The following CADPS2 variants were observed in gnomAD, a reference collection of about 807,000 sequenced individuals.
The protein encoded by CADPS2 is calcium dependent secretion activator 2.
A neutral mutation model predicts 172.5 loss-of-function variants in CADPS2; 93 were observed. The observed-to-expected ratio is 0.54, with a 90% CI of 0.46 to 0.64. The LOEUF (loss-of-function observed/expected upper bound fraction) is 0.64. Ranked by LOEUF, CADPS2 falls within the 30% of genes least tolerant of loss-of-function variation. The pLI, the probability that CADPS2 is intolerant of heterozygous loss-of-function variation, is 0.00. For missense variants in CADPS2, 1,420 were observed against 1,565.9 expected (o/e 0.91, Z 1.57); for synonymous variants, 546 against 555.2 (o/e 0.98, Z 0.23).
chr7:122,581,084 T>A, intron 7 of CADPS2, 95 bp downstream of exon 7: 1 of 816,906 alleles, frequency 1.2e-6, no homozygotes, highest in Non-Finnish European at 2.0e-6. Context: ...TTTATGAACA[T>A]AAAGTTCACA....
At chr7:122,720,804 T>C (rs1333736484) in intron 2 of CADPS2, among the ~76,000 whole-genome samples, 1 of 152,026 alleles carries the variant, frequency 6.6e-6, no homozygotes, top group Non-Finnish European at 1.5e-5. Context: ...CGATGAGAGT[T>C]AACAAGTAGA....
At chr7:122,657,648 C>A (rs898621308) in intron 3 of CADPS2, among the ~76,000 whole-genome samples, 1 of 152,098 alleles carries the variant, frequency 6.6e-6, no homozygotes, top group South Asian at 2.1e-4. Flanking sequence ...GTGATTTTTG[C>A]ACATTGATTT....
chr7:122,488,850 A>G (rs1330547694), intron 11 of CADPS2, among the ~76,000 whole-genome samples: 2 of 152,192 alleles, frequency 1.3e-5, no homozygotes, highest in Non-Finnish European at 2.9e-5. Context: ...AATTGTAGAA[A>G]AATAAAGTTA....
intron 3 of CADPS2, among the ~76,000 whole-genome samples, chr7:122,653,960 A>G (rs2079459084): frequency 6.6e-6 from 1 of 152,210 alleles, no homozygotes; most frequent in South Asian, 2.1e-4. Context: ...TAACCCAATA[A>G]TGGCTTGTAA....
intron 7 of CADPS2, among the ~76,000 whole-genome samples, chr7:122,555,760 G>GGATA (rs1405990375): frequency 6.6e-6 from 1 of 151,890 alleles, no homozygotes; most frequent in Non-Finnish European, 1.5e-5. Context: ...AAGTTGTTAG[G>GGATA]GATAGTCTTT....
At chr7:122,844,947 T>C (rs1584871540) in intron 1 of CADPS2, among the ~76,000 whole-genome samples, 1 of 152,212 alleles carries the variant, frequency 6.6e-6, no homozygotes, top group East Asian at 1.9e-4. Flanking sequence ...CTTTTTTGCA[T>C]TTTTCCCCCT....
chr7:122,487,433 A>T (rs2057931709), intron 11 of CADPS2, among the ~76,000 whole-genome samples: 1 of 152,178 alleles, frequency 6.6e-6, no homozygotes, highest in African/African-American at 2.4e-5. Flanking sequence ...GCCTGTATAA[A>T]GACCTCTCAA....
intron 3 of CADPS2, among the ~76,000 whole-genome samples, chr7:122,631,569 G>A (rs938604979): frequency 4.0e-5 from 6 of 151,862 alleles, no homozygotes; most frequent in Admixed American, 1.3e-4. Flanking sequence ...ATAAGCCACC[G>A]CACCTGGTCT....
intron 2 of CADPS2, among the ~76,000 whole-genome samples, chr7:122,674,490 T>C (rs2082200191): frequency 6.6e-6 from 1 of 152,214 alleles, no homozygotes; most frequent in Admixed American, 6.5e-5. Flanking sequence ...ACTCAGCTTA[T>C]ATACCAAAGA....
chr7:122,360,856 A>ATT (rs202173368), intron 26 of CADPS2, 36 bp from the exon 27 acceptor site: 1 of 1,586,086 alleles, frequency 6.3e-7, no homozygotes, highest in East Asian at 2.3e-5. Flanking sequence ...CATGAGAATT[A>ATT]TTTTTTTAAC....
chr7:122,790,659 T>C (rs1016676061), intron 1 of CADPS2, among the ~76,000 whole-genome samples: 36 of 152,298 alleles, frequency 2.4e-4, no homozygotes, highest in Admixed American at 1.9e-3. Flanking sequence ...GTTTTTTTCT[T>C]CAAAGTGCCT....
intron 8 of CADPS2, among the ~76,000 whole-genome samples, chr7:122,541,022 A>C (rs937600779): frequency 1.3e-5 from 2 of 152,114 alleles, no homozygotes; most frequent in Admixed American, 6.6e-5. Context: ...TGTTGGAAAT[A>C]GAAAATGTCT....
At chr7:122,439,167 T>C (rs1418526953) in intron 16 of CADPS2, among the ~76,000 whole-genome samples, 1 of 152,170 alleles carries the variant, frequency 6.6e-6, no homozygotes, top group African/African-American at 2.4e-5. Flanking sequence ...TTTAAAAATG[T>C]TATTACTGGG....
intron 2 of CADPS2, among the ~76,000 whole-genome samples, chr7:122,729,394 T>C (rs1402550898): frequency 2.6e-5 from 4 of 151,822 alleles, no homozygotes; most frequent in African/African-American, 7.2e-5. Flanking sequence ...AGTAATGAGA[T>C]TGCTGAATCT....
intron 12 of CADPS2, 123 bp from the exon 13 acceptor site, chr7:122,474,640 T>C: frequency 2.2e-6 from 2 of 900,894 alleles, no homozygotes; most frequent in Non-Finnish European, 3.3e-6. Context: ...ACATGAAATA[T>C]GATGCCAAGA....
At chr7:122,880,585 G>A (rs1018931597) in intron 1 of CADPS2, among the ~76,000 whole-genome samples, 3 of 151,992 alleles carry the variant, frequency 2.0e-5, no homozygotes. Flanking sequence ...TTAGAACAGC[G>A]GTTCTCAACC....
chr7:122,348,084 C>G (rs530602333), intron 27 of CADPS2, among the ~76,000 whole-genome samples: 2 of 152,080 alleles, frequency 1.3e-5, no homozygotes, highest in Non-Finnish European at 2.9e-5. Context: ...ACAAATGGGA[C>G]GCTTGTCTTT....
At chr7:122,323,926 A>G (rs1452892924) in intron 29 of CADPS2, among the ~76,000 whole-genome samples, 1 of 137,068 alleles carries the variant, frequency 7.3e-6, no homozygotes, top group African/African-American at 2.9e-5. Context: ...TATATATGGC[A>G]AATACATTAT....
At chr7:122,647,242 G>C (rs1047024695) in intron 3 of CADPS2, among the ~76,000 whole-genome samples, 6 of 152,012 alleles carry the variant, frequency 3.9e-5, no homozygotes, top group South Asian at 2.1e-4. Context: ...ATCTAACTAA[G>C]AGCAAAATCC....
Sources: gnomAD v4.1 joint callset for allele counts (sites outside exome capture counted in the v4.1 genomes callset) on GRCh38, gnomAD v4.1.1 for gene constraint, MANE v1.5 for transcripts, NCBI Gene and HGNC (gene_info 2026-07-23, HGNC 2026-07-21) for gene names.